SORCS1: variants seen among roughly 807,000 people sequenced by gnomAD.
The protein encoded by SORCS1 is VPS10 domain-containing receptor SorCS1.
In SORCS1, 60 loss-of-function variants were observed where a neutral mutation model predicts 146.1. That is an observed-to-expected ratio of 0.41 (90% CI 0.33 to 0.51). The LOEUF (loss-of-function observed/expected upper bound fraction) is 0.51, where lower values mean the gene tolerates loss of function less well. Among genes scored for constraint, SORCS1 ranks in the 20% least tolerant of loss-of-function variants. The probability of loss-of-function intolerance (pLI) is 0.21; values close to 1 mark genes in which losing one functional copy is unlikely to be tolerated. For missense variants in SORCS1, 1,352 were observed against 1,487.6 expected, an observed-to-expected ratio of 0.91 and a Z score of 1.50; for synonymous variants, 637 against 584.0, an observed-to-expected ratio of 1.09 and a Z score of -1.31.
intron 19 of SORCS1, among the ~76,000 whole-genome samples, chr10:106,622,353 A>T (rs1319790398): frequency 1.3e-5 from 2 of 151,892 alleles, no homozygotes; most frequent in Non-Finnish European, 2.9e-5. Flanking sequence ...GATAGCTAAC[A>T]CACATTGATT....
intron 19 of SORCS1, among the ~76,000 whole-genome samples, chr10:106,623,817 C>T (rs1945551918): frequency 6.6e-6 from 1 of 152,050 alleles, no homozygotes; most frequent in Admixed American, 6.6e-5. Context: ...AGGGGCGTGC[C>T]ACCAAATCTG....
At chr10:106,756,481 C>T (rs1010661491) in intron 5 of SORCS1, among the ~76,000 whole-genome samples, 3 of 152,144 alleles carry the variant, frequency 2.0e-5, no homozygotes, top group African/African-American at 7.2e-5. Context: ...AACCCCTTGA[C>T]CTGCAAGTTG....
chr10:106,884,421 T>C (rs539906180), intron 2 of SORCS1, among the ~76,000 whole-genome samples: 9 of 152,258 alleles, frequency 5.9e-5, no homozygotes, highest in Admixed American at 5.2e-4. Flanking sequence ...CACCTTAACC[T>C]TCACATTCTA....
intron 24 of SORCS1, among the ~76,000 whole-genome samples, chr10:106,596,735 CTT>C (rs1845928516): frequency 6.6e-6 from 1 of 152,142 alleles, no homozygotes; most frequent in African/African-American, 2.4e-5. Context: ...GAAAATAAGA[CTT>C]TGCAGAAAGA....
At chr10:106,995,895 G>T (rs76120050) in intron 1 of SORCS1, among the ~76,000 whole-genome samples, 4,378 of 152,182 alleles carry the variant, frequency 0.029, 182 homozygotes, top group African/African-American at 0.095. Context: ...ACCAGTCAAA[G>T]GAGAAGTTCA....
intron 2 of SORCS1, among the ~76,000 whole-genome samples, chr10:106,954,882 G>A (rs1044487709): frequency 7.9e-5 from 12 of 152,202 alleles, no homozygotes; most frequent in Non-Finnish European, 8.8e-5. Flanking sequence ...GAGCTGTTCC[G>A]TCACTCAATA....
intron 24 of SORCS1, among the ~76,000 whole-genome samples, chr10:106,596,671 G>A (rs1012101335): frequency 3.3e-5 from 5 of 152,052 alleles, no homozygotes; most frequent in South Asian, 2.1e-4. Context: ...TCTCTACTGC[G>A]TTACATTATC....
intron 1 of SORCS1, among the ~76,000 whole-genome samples, chr10:107,118,807 T>C (rs2134519534): frequency 6.6e-6 from 1 of 152,240 alleles, no homozygotes; most frequent in Non-Finnish European, 1.5e-5. Flanking sequence ...CTGGGTACCA[T>C]AAAATAACAT....
intron 2 of SORCS1, among the ~76,000 whole-genome samples, chr10:106,871,454 C>T (rs1326006719): frequency 1.3e-5 from 2 of 152,186 alleles, no homozygotes; most frequent in Admixed American, 1.3e-4. Flanking sequence ...ATGTTCATTA[C>T]AGCACAATTC....
chr10:106,668,871 G>T (rs1564838311), intron 16 of SORCS1, among the ~76,000 whole-genome samples: 1 of 152,072 alleles, frequency 6.6e-6, no homozygotes, highest in African/African-American at 2.4e-5. Flanking sequence ...CCAGGAGAGG[G>T]CCAAACCAAG....
At chr10:106,844,494 T>C (rs1029319127) in intron 2 of SORCS1, among the ~76,000 whole-genome samples, 2 of 152,040 alleles carry the variant, frequency 1.3e-5, no homozygotes, top group Admixed American at 1.3e-4. Context: ...ATGTATGATA[T>C]AAAATAAGGA....
chr10:106,772,841 A>G (rs1270706616), intron 4 of SORCS1, among the ~76,000 whole-genome samples: 2 of 152,176 alleles, frequency 1.3e-5, no homozygotes, highest in African/African-American at 2.4e-5. Context: ...AAACACAATT[A>G]GAGCAGGGTA....
chr10:106,708,850 G>A (rs184480347), intron 7 of SORCS1, among the ~76,000 whole-genome samples: 5 of 152,304 alleles, frequency 3.3e-5, no homozygotes, highest in Admixed American at 3.3e-4. Context: ...GATAGAAAGA[G>A]ACTGACATAT....
rs987408045 is a variant in SORCS1 at position 107,045,749 on chromosome 10, A to ATG, written c.559-89171_559-89170dup. On this transcript the variant is annotated intron_variant, in intron 1 of 25. Coordinates refer to ENST00000263054, the MANE Select transcript of SORCS1 (RefSeq NM_052918.5). The stretch of plus-strand genomic sequence containing the variant: ...CATGGATATATATTTATGTGTGTGT[A>ATG]TGTGTGTGTGTGTTATGTGAATATA... 3.8e-4 allele frequency among the ~76,000 whole-genome samples: 56 copies of ATG among 147,036 alleles called. 1 individual carries two copies. The highest frequency in any genetic ancestry group is 1.4e-3 in the African/African-American group (55 of 40,054).
At chr10:107,114,345 C>T (rs1001957564) in intron 1 of SORCS1, among the ~76,000 whole-genome samples, 2 of 152,058 alleles carry the variant, frequency 1.3e-5, no homozygotes, top group East Asian at 3.9e-4. Flanking sequence ...GTCCAGAAAC[C>T]TTGATGAACA....
At chr10:106,768,596 T>C (rs1859753514) in intron 4 of SORCS1, among the ~76,000 whole-genome samples, 1 of 152,256 alleles carries the variant, frequency 6.6e-6, no homozygotes. Context: ...ATAATATTTC[T>C]AAGTACCACA....
intron 1 of SORCS1, among the ~76,000 whole-genome samples, chr10:107,068,401 A>G (rs1484593828): frequency 6.6e-6 from 1 of 152,204 alleles, no homozygotes; most frequent in African/African-American, 2.4e-5. Flanking sequence ...ATGAAGTCAC[A>G]CATGCCTTAT....
chr10:107,046,809 G>A (rs1959499428), intron 1 of SORCS1, among the ~76,000 whole-genome samples: 1 of 152,200 alleles, frequency 6.6e-6, no homozygotes, highest in South Asian at 2.1e-4. Flanking sequence ...CTCTCATGAG[G>A]ACCCAAAACA....
chr10:107,019,669 A>G (rs1294258713), intron 1 of SORCS1, among the ~76,000 whole-genome samples: 4 of 152,198 alleles, frequency 2.6e-5, no homozygotes, highest in Non-Finnish European at 5.9e-5. Context: ...ATGCCATTCA[A>G]TCAAAAGGTA....
Sources: gnomAD v4.1 joint callset for allele counts (sites outside exome capture counted in the v4.1 genomes callset) on GRCh38, gnomAD v4.1.1 for gene constraint, MANE v1.5 for transcripts, NCBI Gene and HGNC (gene_info 2026-07-23, HGNC 2026-07-21) for gene names.